The following C20orf96 variants were observed in gnomAD, a reference collection of about 807,000 sequenced individuals.
The protein encoded by C20orf96 is uncharacterized protein C20orf96.
A neutral mutation model predicts 52.6 loss-of-function variants in C20orf96; 57 were observed. That is an observed-to-expected ratio of 1.08 (90% CI 0.88 to 1.35). C20orf96 has a LOEUF of 1.35. Among genes scored for constraint, C20orf96 ranks in the 40% most tolerant of loss-of-function variants. C20orf96 has a pLI of 0.00. For missense variants in C20orf96, 478 were observed against 443.6 expected, an observed-to-expected ratio of 1.08 and a Z score of -0.70; for synonymous variants, 168 against 157.2, an observed-to-expected ratio of 1.07 and a Z score of -0.51.
intron 4 of C20orf96, among the ~76,000 whole-genome samples, chr20:280,679 T>C (rs1017624524): frequency 6.6e-6 from 1 of 152,240 alleles, no homozygotes. Context: ...CTGCAAGGCA[T>C]GGCTGAACCA....
chr20:279,434 C>T (rs539363192), intron 4 of C20orf96, 104 bp from the exon 5 acceptor site: 1 of 1,280,726 alleles, frequency 7.8e-7, no homozygotes, highest in African/African-American at 1.6e-5. Context: ...ACGCCCGCCC[C>T]CGTGCGGCCT....
At chr20:288,206 GT>G in intron 3 of C20orf96, among the ~76,000 whole-genome samples, 1 of 61,262 alleles carries the variant, frequency 1.6e-5, no homozygotes, top group Non-Finnish European at 3.8e-5. Context: ...TTGCCTATGG[GT>G]GTCCAATTGC....
At chr20:271,443 T>TACAC (rs71191933) in intron 10 of C20orf96, among the ~76,000 whole-genome samples, 176 bp from the exon 11 acceptor site, 2,113 of 134,596 alleles carry the variant, frequency 0.016, 14 homozygotes, top group African/African-American at 0.026. Context: ...TACACAAGCA[T>TACAC]ACACACACAC....
chr20:290,440 G>A (rs1372498139), intron 1 of C20orf96, 133 bp from the exon 2 acceptor site: 3 of 1,538,764 alleles, frequency 1.9e-6, no homozygotes, highest in Non-Finnish European at 2.6e-6. Flanking sequence ...CGCGGGAGTG[G>A]GGCGGGGCCA....
In C20orf96 at chr20:278,361, C is replaced by T; in HGVS notation, c.534G>A (p.Glu178=). ...TCTTGCATTTCTTCTTTTCTTCCCACTCCTGAAGCTCAGATTTCAATTGCT... is the reference window on the plus strand; with the variant it reads ...TCTTGCATTTCTTCTTTTCTTCCCATTCCTGAAGCTCAGATTTCAATTGCT... ...RLQQLKSELQ[E]WEEKKKCKMS... is the part of the protein sequence containing the mutation. Residue 178 remains glutamate, a synonymous_variant, in exon 6 of 11, where the codon GAG becomes GAA. Transcript: ENST00000360321. The T allele has an allele frequency of 6.2e-7, 1 of 1,614,036 alleles. No homozygotes were observed.
At chr20:281,910 TGA>T (rs1260771624) in intron 4 of C20orf96, among the ~76,000 whole-genome samples, 1 of 152,170 alleles carries the variant, frequency 6.6e-6, no homozygotes, top group Non-Finnish European at 1.5e-5. Flanking sequence ...CAGGCTGCAG[TGA>T]GCCATGATCA....
chr20:281,397 A>C (rs955061665), intron 4 of C20orf96, among the ~76,000 whole-genome samples: 35 of 152,136 alleles, frequency 2.3e-4, no homozygotes, highest in Admixed American at 5.9e-4. Flanking sequence ...ACTCATGTGC[A>C]CTCAGTGAAC....
chr20:289,581 C>A lies in C20orf96; in HGVS notation c.165G>T (p.Lys55Asn). 6.2e-7 allele frequency: 1 copy of A among 1,614,006 alleles called. No homozygotes were observed. Among genetic ancestry groups the A allele is most frequent in the Non-Finnish European group, 8.5e-7 (1 of 1,179,922 alleles). The change falls in exon 3 of 11, where the codon AAG (lysine) becomes AAT (asparagine). Residue 55 changes from lysine to asparagine, a missense_variant. Transcript: ENST00000360321. The part of the protein sequence containing the change: ...QANSLHTSKM[K>N]TLTRVQPVFH... ...CACCTGGTTGGACCCTAGTCAAAGT[C>A]TTCATTTTGCTTGTATGAAGGCTGT...
rs1229087766 is a variant in C20orf96, at chr20:278,411, C to T, written c.484G>A (p.Glu162Lys). 6.2e-7 allele frequency: 1 copy of T among 1,613,680 alleles called. No individual in the cohort carries two copies. The highest frequency in any genetic ancestry group is 1.7e-5 in the Admixed American group (1 of 59,988). Residue 162 changes from glutamate (E) to lysine (K), a missense_variant, in exon 6 of 11, where the codon GAG becomes AAG. Glu to Lys is a moderately conservative substitution (Grantham distance 56, BLOSUM62 1). Coordinates refer to ENST00000360321, the MANE Select transcript of C20orf96 (RefSeq NM_153269.3). The stretch of plus-strand genomic sequence containing the variant: ...TGCAGCCTCTTCTTGTTTGAGTACT[C>T]CAAGATGTCGATGATGGTCTGCGGG... ...DTLATIIDILEYSNKKRLQQL... is the reference protein window; with the variant it reads ...DTLATIIDILKYSNKKRLQQL...
chr20:275,507 C>T (rs1487864087), intron 10 of C20orf96, among the ~76,000 whole-genome samples: 1 of 152,190 alleles, frequency 6.6e-6, no homozygotes, highest in South Asian at 2.1e-4. Context: ...CCCAACCCAA[C>T]CGCAGAGGGC....
intron 10 of C20orf96, among the ~76,000 whole-genome samples, chr20:275,508 C>T (rs2011989900): frequency 6.6e-6 from 1 of 152,182 alleles, no homozygotes; most frequent in Admixed American, 6.5e-5. Flanking sequence ...CCAACCCAAC[C>T]GCAGAGGGCT....
chr20:276,444 AGTGATG>A, intron 9 of C20orf96: 1 of 985,454 alleles, frequency 1.0e-6, no homozygotes, highest in Non-Finnish European at 1.2e-6. Flanking sequence ...TCAAGAAGGC[AGTGATG>A]GTGAAGTTCA....
intron 3 of C20orf96, 74 bp downstream of exon 3, chr20:289,485 G>T: frequency 1.1e-6 from 1 of 920,736 alleles, no homozygotes; most frequent in Non-Finnish European, 1.8e-6. Flanking sequence ...TATAAGTGGT[G>T]TCACCAAGAG....
chr20:289,611 T>C lies in C20orf96; in HGVS notation c.135A>G (p.Gln45=). 1 of 1,614,124 alleles carries C rather than the reference T, an allele frequency of 6.2e-7. No homozygotes were observed. The highest frequency in any genetic ancestry group is 8.5e-7 in the Non-Finnish European group (1 of 1,179,996). The change falls in exon 3 of 11, where the codon CAA becomes CAG. Residue 45 remains glutamine (Q), a synonymous_variant. Coordinates refer to ENST00000360321, the MANE Select transcript of C20orf96 (RefSeq NM_153269.3). The part of the protein sequence containing the change: ...TKPSTLPPVQ[Q]ANSLHTSKMK... Reference sequence around the variant, plus strand: ...TTTTGCTTGTATGAAGGCTGTTGGCTTGTTGGACTGGAGGCAGAGTAGATG... The same window carrying C: ...TTTTGCTTGTATGAAGGCTGTTGGCCTGTTGGACTGGAGGCAGAGTAGATG...
rs550542403 is a variant in C20orf96 at position 287,760 on chromosome 20, T to G, written c.187+1799A>C. ...CCTGTCTCTACTAAAAATACAAAAA[T>G]TAGCCAGGCATGGTGGCACACGCCT... is the stretch of plus-strand genomic sequence containing the variant. On this transcript the variant is annotated intron_variant, in intron 3 of 10. Transcript: ENST00000360321. 2.5e-4 allele frequency among the ~76,000 whole-genome samples: 38 copies of G among 152,054 alleles called. No homozygotes were observed. In the East Asian group the frequency reaches 7.4e-3, roughly 29 times the overall value.
chr20:289,508 A>G, intron 3 of C20orf96, 51 bp downstream of exon 3: 1 of 1,256,720 alleles, frequency 8.0e-7, no homozygotes, highest in Middle Eastern at 1.9e-4. Context: ...AAAAGCAGCC[A>G]CTCTATCCTG....
At chr20:273,952 GAAGGAAGA>G (rs2011928880) in intron 10 of C20orf96, among the ~76,000 whole-genome samples, 1 of 133,824 alleles carries the variant, frequency 7.5e-6, no homozygotes, top group Non-Finnish European at 1.5e-5. Flanking sequence ...AAGAAAGAAA[GAAGGAAGA>G]AAGAAAAAGA....
Position 276,869 on chromosome 20 carries a change from C to T in C20orf96, c.836G>A (p.Arg279His), listed in dbSNP as rs771240781. 2.2e-5 allele frequency: 36 copies of T among 1,613,962 alleles called. 1 individual carries two copies. The highest frequency in any genetic ancestry group is 2.0e-4 in the East Asian group (9 of 44,878). ...CTGTAGGAGAGCCTCTTCATAGGGA[C>T]GCTGGGTTTCCTGTGGAGGAAGAAG... ...ILSSVVAETQRPYEEALLQKM... is the reference protein window; with the variant it reads ...ILSSVVAETQHPYEEALLQKM... The change falls in exon 9 of 11, where the codon CGT becomes CAT. Residue 279 changes from arginine (R) to histidine (H), a missense_variant. By Grantham distance (29) the Arg-to-His change is conservative. Transcript: ENST00000360321.
chr20:276,764 A>G, intron 9 of C20orf96, 29 bp downstream of exon 9: 1 of 1,605,066 alleles, frequency 6.2e-7, no homozygotes, highest in Non-Finnish European at 8.5e-7. Flanking sequence ...GCTTCCCTAC[A>G]GGGACCACCA....
Sources: allele counts gnomAD v4.1 joint callset (sites outside exome capture counted in the v4.1 genomes callset), GRCh38; gene constraint gnomAD v4.1.1; transcripts MANE v1.5; gene names NCBI Gene and HGNC (gene_info 2026-07-23, HGNC 2026-07-21).